Variants in DNAH10 observed in about 807,000 individuals in gnomAD.
DNAH10 encodes the protein dynein axonemal heavy chain 10, also known as axonemal beta dynein heavy chain 10.
Under a neutral mutation model 506.6 loss-of-function variants are expected in DNAH10, and 348 were observed. That is an observed-to-expected ratio of 0.69 (90% CI 0.63 to 0.75). DNAH10 has a LOEUF of 0.75. Ranked by LOEUF, DNAH10 falls within the 30% of genes least tolerant of loss-of-function variation. The probability of loss-of-function intolerance (pLI) is 0.00; values close to 1 mark genes in which losing one functional copy is unlikely to be tolerated. For synonymous variants in DNAH10, 2,059 were observed against 2,198.6 expected, an observed-to-expected ratio of 0.94 and a Z score of 1.78; for missense variants, 5,179 against 5,787.1, an observed-to-expected ratio of 0.89 and a Z score of 3.41.
At chr12:123,799,807 C>T (rs1034769483) in intron 14 of DNAH10, among the ~76,000 whole-genome samples, 5 of 152,082 alleles carry the variant, frequency 3.3e-5, no homozygotes, top group African/African-American at 9.7e-5. Flanking sequence ...GAACACCTGC[C>T]GTTAGGGAGG....
intron 54 of DNAH10, among the ~76,000 whole-genome samples, chr12:123,895,241 G>A (rs1476612736): frequency 1.3e-5 from 2 of 152,170 alleles, no homozygotes; most frequent in African/African-American, 4.8e-5. Flanking sequence ...AACACCTAAG[G>A]CCTTGGATAT....
chr12:123,862,217 T>C (rs1951638969), intron 39 of DNAH10, among the ~76,000 whole-genome samples: 2 of 152,188 alleles, frequency 1.3e-5, no homozygotes, highest in African/African-American at 2.4e-5. Context: ...GATATGCAAC[T>C]CTAGGGAGAT....
At chr12:123,882,085 A>C in intron 51 of DNAH10, 1 of 337,732 alleles carries the variant, frequency 3.0e-6, no homozygotes, top group Non-Finnish European at 5.3e-6. Context: ...AAATATTGTC[A>C]GTTGAAAATA....
rs1260686948 is a variant in DNAH10 at position 123,866,012 on chromosome 12, A to T, written c.7106A>T (p.Asp2369Val). The change falls in exon 41 of 79, where the codon GAT becomes GTT. Residue 2369 changes from aspartate to valine, a missense_variant. Transcript: ENST00000673944. ...TCTCGATGTGGAATGGTTTATGTGG[A>T]TCCTAAAAACTTGAAATATCGACCA... ...TVSRCGMVYV[D>V]PKNLKYRPYW... 1.2e-6 allele frequency: 2 copies of T among 1,612,534 alleles called. No homozygotes were observed. Among genetic ancestry groups the T allele is most frequent in the Non-Finnish European group, 1.7e-6 (2 of 1,179,534 alleles).
intron 10 of DNAH10, 65 bp downstream of exon 10, chr12:123,788,067 C>G: frequency 6.5e-7 from 1 of 1,530,466 alleles, no homozygotes; most frequent in South Asian, 1.2e-5. Flanking sequence ...TGACAGTGGC[C>G]CCCTCCGTGT....
chr12:123,806,142 G>A (rs887731073), intron 18 of DNAH10, among the ~76,000 whole-genome samples: 1 of 152,024 alleles, frequency 6.6e-6, no homozygotes, highest in Non-Finnish European at 1.5e-5. Flanking sequence ...TAAGTGATAC[G>A]GACTCTATGG....
chr12:123,808,782 A>T lies in DNAH10; in HGVS notation c.2988-15A>T. ...GTGAGATACACTCTGAGTCTTTCTC[A>T]TCAACCCCTCTTAGGAACTTGCAGT... is the stretch of plus-strand genomic sequence containing the variant. On this transcript the variant is annotated splice_polypyrimidine_tract_variant and intron_variant, in intron 18 of 78. Coordinates refer to ENST00000673944, the MANE Select transcript of DNAH10 (RefSeq NM_001372106.1). The T allele has an allele frequency of 6.2e-7, 1 of 1,613,818 alleles. No homozygotes were observed. Among genetic ancestry groups the T allele is most frequent in the Non-Finnish European group, 8.5e-7 (1 of 1,179,876 alleles).
In DNAH10 at chr12:123,797,822, A is replaced by T. The variant is rs188848230; in HGVS notation, c.2163+990A>T. ...CCTACCATCTTTTCGATATGATCTC[A>T]CCCCCCACCCATGGATTTTTATATG... On this transcript the variant is annotated intron_variant, in intron 13 of 78. Coordinates refer to ENST00000673944, the MANE Select transcript of DNAH10 (RefSeq NM_001372106.1). 2.7e-3 allele frequency among the ~76,000 whole-genome samples: 408 copies of T among 151,950 alleles called. 1 individual carries two copies. The highest frequency in any genetic ancestry group is 9.6e-3 in the African/African-American group (397 of 41,440).
At chr12:123,869,113 C>T (rs758118365) in intron 43 of DNAH10, among the ~76,000 whole-genome samples, 13 of 152,196 alleles carry the variant, frequency 8.5e-5, no homozygotes, top group Non-Finnish European at 1.6e-4. Flanking sequence ...ATACGCTTGA[C>T]GGTGATCTCT....
Position 123,925,661 on chromosome 12 carries a change from G to A in DNAH10, c.11921+457G>A, listed in dbSNP as rs1465024274. 2 of 162,356 alleles carry A rather than the reference G, an allele frequency of 1.2e-5. No individual in the cohort carries two copies. The highest frequency in any genetic ancestry group is 4.8e-5 in the African/African-American group (2 of 41,574). 10.1% of individuals were successfully genotyped at this position (162,356 alleles called of 1,614,324 possible). On this transcript the variant is annotated intron_variant, in intron 68 of 78. Transcript: ENST00000673944. This position sits in a 1 kb window ranked among gnomAD's most constrained non-coding sequence, Gnocchi z 4.0. ...GCTGTGCCTCACGGCCATCGCACTG[G>A]ACAATGTAGCTCTAGCATGGGGTAC... is the stretch of plus-strand genomic sequence containing the variant.
At chr12:123,768,137 TCC>T (rs1286848567) in intron 2 of DNAH10, among the ~76,000 whole-genome samples, 5 of 143,860 alleles carry the variant, frequency 3.5e-5, no homozygotes, top group African/African-American at 7.6e-5. Context: ...CTCCTCCTCC[TCC>T]TCCTTTTTTT....
chr12:123,934,128 A>T (rs931225585), intron 77 of DNAH10: 61 of 636,340 alleles, frequency 9.6e-5, no homozygotes, highest in African/African-American at 9.4e-4. Context: ...CCGGGCCACC[A>T]CTCTCTCTGG....
chr12:123,803,821 C>T lies in DNAH10; in HGVS notation c.2775C>T (p.Leu925=), dbSNP rs570317202. 1.2e-5 allele frequency: 20 copies of T among 1,610,498 alleles called. No homozygotes were observed. Among genetic ancestry groups the T allele is most frequent in the Non-Finnish European group, 1.7e-5 (20 of 1,179,294 alleles). Residue 925 remains leucine (L), a synonymous_variant, in exon 17 of 79, where the codon CTC becomes CTT. Transcript: ENST00000673944. ...CAGCCGCTAAAAGTGAGGAAGAACT[C>T]CCAGGTAGATCTGACTTCTGGGTTC... ...KYPAAKSEEE[L]PGVKEFFEHI...
chr12:123,886,076 A>C (rs1952713009), intron 51 of DNAH10, among the ~76,000 whole-genome samples: 1 of 152,238 alleles, frequency 6.6e-6, no homozygotes, highest in African/African-American at 2.4e-5. Flanking sequence ...CATAATTGAA[A>C]TCATTCATTG....
In DNAH10 at chr12:123,782,497, C is replaced by G. The variant is rs1263986660; in HGVS notation, c.842-610C>G. 3.4e-5 allele frequency among the ~76,000 whole-genome samples: 5 copies of G among 148,060 alleles called. No individual in the cohort carries two copies. In the East Asian group the frequency reaches 1.0e-3, roughly 30 times the overall value. On this transcript the variant is annotated intron_variant, in intron 6 of 78. Transcript: ENST00000673944. Reference sequence around the variant, plus strand: ...CAAACATAGCTCACTGCAGTCTCAACCTTCTGGGAGCTCAGGCAATCCTCC... The same window carrying G: ...CAAACATAGCTCACTGCAGTCTCAAGCTTCTGGGAGCTCAGGCAATCCTCC...
At chr12:123,845,455 G>A (rs923359340) in intron 30 of DNAH10, 145 bp from the exon 31 acceptor site, 2 of 1,102,240 alleles carry the variant, frequency 1.8e-6, no homozygotes, top group Admixed American at 5.7e-5. Context: ...ACTTACTTAG[G>A]TAAACAAATA....
chr12:123,883,576 TTGCATGATACACA>T (rs1328483774), intron 51 of DNAH10, among the ~76,000 whole-genome samples: 3 of 152,236 alleles, frequency 2.0e-5, no homozygotes, highest in African/African-American at 7.2e-5. Flanking sequence ...TTGCCTCTGG[TTGCATGATACACA>T]TGCATGCTTA....
chr12:123,765,226 T>G (rs1956976540), intron 1 of DNAH10, among the ~76,000 whole-genome samples: 1 of 152,072 alleles, frequency 6.6e-6, no homozygotes, highest in Admixed American at 6.6e-5. Context: ...AAGATACTGA[T>G]GCAGTAGGTA....
At chr12:123,842,874 C>T (rs1950820336) in intron 30 of DNAH10, among the ~76,000 whole-genome samples, 1 of 152,276 alleles carries the variant, frequency 6.6e-6, no homozygotes, top group Middle Eastern at 3.4e-3. Flanking sequence ...AGGAGGTGGC[C>T]CTAGCATTCA....
Sources: gnomAD v4.1 joint callset for allele counts (sites outside exome capture counted in the v4.1 genomes callset) on GRCh38, gnomAD v4.1.1 for gene constraint, Gnocchi (gnomAD v3.1) non-coding constraint, MANE v1.5 for transcripts, NCBI Gene and HGNC (gene_info 2026-07-23, HGNC 2026-07-21) for gene names.